The following GTF3C1 variants were observed in gnomAD, a reference collection of about 807,000 sequenced individuals.
The protein encoded by GTF3C1 is general transcription factor IIIC subunit 1.
In GTF3C1, 57 loss-of-function variants were observed where a neutral mutation model predicts 226.7. The observed-to-expected ratio is 0.25, with a 90% CI of 0.20 to 0.31. GTF3C1 has a LOEUF of 0.31. Among genes scored for constraint, GTF3C1 ranks in the 10% least tolerant of loss-of-function variants. The pLI is 1.00. For missense variants in GTF3C1, 2,217 were observed against 2,776.1 expected, an observed-to-expected ratio of 0.80 and a Z score of 4.53; for synonymous variants, 1,090 against 1,084.8, an observed-to-expected ratio of 1.00 and a Z score of -0.09.
chr16:27,483,151 AG>A (rs1481753316), intron 25 of GTF3C1, 26 bp from the exon 26 acceptor site: 2 of 1,607,802 alleles, frequency 1.2e-6, no homozygotes, highest in Non-Finnish European at 1.7e-6. Context: ...ACAAAGCTGA[AG>A]TCTGGGAATT....
intron 19 of GTF3C1, 141 bp from the exon 20 acceptor site, chr16:27,489,884 G>C (rs931941118): frequency 4.1e-6 from 3 of 728,568 alleles, no homozygotes; most frequent in African/African-American, 1.8e-5. Flanking sequence ...TCTGAGATTG[G>C]TAAGACCTCT....
intron 10 of GTF3C1, among the ~76,000 whole-genome samples, chr16:27,504,727 G>A (rs2141399551): frequency 6.6e-6 from 1 of 152,058 alleles, no homozygotes; most frequent in East Asian, 1.9e-4. Context: ...ACCAGCCTGG[G>A]CAACATGATG....
chr16:27,465,644 A>C, intron 32 of GTF3C1, 104 bp from the exon 33 acceptor site: 66 of 896,788 alleles, frequency 7.4e-5, no homozygotes, highest in Non-Finnish European at 9.2e-5. Context: ...GCACCAACTC[A>C]CTGCTTCCCC....
chr16:27,507,211 G>A lies in GTF3C1; in HGVS notation c.1243-55C>T, dbSNP rs191076842. 7 of 1,269,918 alleles carry A rather than the reference G, an allele frequency of 5.5e-6. No individual in the cohort carries two copies. The allele number at this position is 1,269,918 out of a possible 1,614,324, so 78.7% of individuals were successfully genotyped here. A position where few individuals can be genotyped will look rare whatever the true frequency, so the allele number is the denominator to read the frequency against. ...TGCAAAGAGGGCGTCATACCCACAG[G>A]GGTTCAGGTGGTCTGTGGCATCTAT... On this transcript the variant is annotated intron_variant, in intron 8 of 36. Coordinates refer to ENST00000356183, the MANE Select transcript of GTF3C1 (RefSeq NM_001520.4). The surrounding 1 kb of genome is among the most constrained non-coding windows in gnomAD (Gnocchi z 4.9).
chr16:27,517,820 G>C (rs1214485834), intron 6 of GTF3C1, among the ~76,000 whole-genome samples: 1 of 152,168 alleles, frequency 6.6e-6, no homozygotes, highest in Non-Finnish European at 1.5e-5. Context: ...GCCATTTTAA[G>C]AAAAAGAAAA....
chr16:27,519,659 T>C (rs1450031308), intron 6 of GTF3C1, among the ~76,000 whole-genome samples: 2 of 152,022 alleles, frequency 1.3e-5, no homozygotes, highest in East Asian at 1.9e-4. Context: ...GTGCCTCTGT[T>C]TTCTCATCAG....
chr16:27,538,759 C>T (rs1364885596), intron 2 of GTF3C1, among the ~76,000 whole-genome samples: 1 of 152,148 alleles, frequency 6.6e-6, no homozygotes, highest in African/African-American at 2.4e-5. Flanking sequence ...AGACAAGCCT[C>T]AGGGGTGCTG....
rs759822310 is a variant in GTF3C1, at chr16:27,481,083, C to T, written c.4192G>A (p.Ala1398Thr). The T allele has an allele frequency of 3.2e-5, 51 of 1,613,592 alleles. No homozygotes were observed. Among genetic ancestry groups the T allele is most frequent in the Admixed American group, 6.7e-5 (4 of 60,014 alleles). ...ACCATCCCAGAAACGGCTTACCTGGCGAACAGCTCCTGGAGTGTGTCTGGG... is the reference window on the plus strand; with the variant it reads ...ACCATCCCAGAAACGGCTTACCTGGTGAACAGCTCCTGGAGTGTGTCTGGG... Reference protein sequence around the residue: ...EIPDTLQELFARYRVLAIGDE... With the variant: ...EIPDTLQELFTRYRVLAIGDE... The change falls in exon 27 of 37, where the codon GCC (alanine) becomes ACC (threonine). Residue 1398 changes from alanine to threonine, a missense_variant. Coordinates refer to ENST00000356183, the MANE Select transcript of GTF3C1 (RefSeq NM_001520.4).
chr16:27,501,421 A>G, intron 11 of GTF3C1, 77 bp from the exon 12 acceptor site: 1 of 1,308,922 alleles, frequency 7.6e-7, no homozygotes, highest in Middle Eastern at 1.8e-4. Flanking sequence ...CAACACAGAC[A>G]TGCCTCACGG....
intron 27 of GTF3C1, among the ~76,000 whole-genome samples, chr16:27,480,201 C>CAAA (rs35428757): frequency 1.5e-4 from 9 of 60,952 alleles, no homozygotes; most frequent in African/African-American, 2.4e-4. Context: ...GACTCCATCT[C>CAAA]AAAAAAAAAA....
At chr16:27,544,378 C>G (rs2141464920) in intron 2 of GTF3C1, among the ~76,000 whole-genome samples, 1 of 151,248 alleles carries the variant, frequency 6.6e-6, no homozygotes, top group South Asian at 2.1e-4. Context: ...GAGTGAGACT[C>G]TGTCTCAAAA....
intron 16 of GTF3C1, among the ~76,000 whole-genome samples, chr16:27,494,416 A>C (rs1180991642): frequency 6.7e-6 from 1 of 148,266 alleles, no homozygotes; most frequent in Non-Finnish European, 1.5e-5. Flanking sequence ...AAAAAAACAA[A>C]AAAAAAAAAC....
chr16:27,539,004 CTTTTTTT>C (rs899984965), intron 2 of GTF3C1, among the ~76,000 whole-genome samples: 17 of 103,914 alleles, frequency 1.6e-4, no homozygotes, highest in African/African-American at 3.7e-4. Context: ...ACACACTCAT[CTTTTTTT>C]TTTTTTTTTT....
intron 6 of GTF3C1, among the ~76,000 whole-genome samples, chr16:27,515,004 C>A (rs1433941423): frequency 6.6e-6 from 1 of 152,202 alleles, no homozygotes; most frequent in Admixed American, 6.5e-5. Flanking sequence ...TATTTCTTCT[C>A]CTTTTAAGCT....
intron 10 of GTF3C1, among the ~76,000 whole-genome samples, chr16:27,505,122 G>A (rs773343461): frequency 2.6e-5 from 4 of 152,096 alleles, no homozygotes; most frequent in Non-Finnish European, 5.9e-5. Flanking sequence ...TAGGTGAACC[G>A]AATCACATAA....
At chr16:27,491,652 C>G (rs1305030809) in intron 19 of GTF3C1, among the ~76,000 whole-genome samples, 2 of 152,144 alleles carry the variant, frequency 1.3e-5, no homozygotes, top group Non-Finnish European at 2.9e-5. Context: ...AAGCCCAACT[C>G]AGCCAAGTCA....
At position 27,506,633 on chromosome 16, in the gene GTF3C1, C is replaced by T. The variant is rs116080247; in HGVS notation, c.1552+214G>A. On this transcript the variant is annotated intron_variant, in intron 9 of 36. Coordinates refer to ENST00000356183, the MANE Select transcript of GTF3C1 (RefSeq NM_001520.4). ...ATAGTAAAAACAAGCAAACAAAACA[C>T]GTGCCACGAAGAAATGATTTGCAAG... Among the ~76,000 whole-genome samples the T allele has an allele frequency of 7.0e-3, 1,060 of 152,262 alleles. 16 individuals are homozygous for T. The highest frequency in any genetic ancestry group is 0.024 in the African/African-American group (1,005 of 41,550).
At chr16:27,498,419 A>C (rs2088353356) in intron 13 of GTF3C1, among the ~76,000 whole-genome samples, 1 of 152,250 alleles carries the variant, frequency 6.6e-6, no homozygotes, top group South Asian at 2.1e-4. Context: ...ACTCTATCAG[A>C]CAGAATAAAG....
rs74505969 is a variant in GTF3C1, at chr16:27,535,219, C to T, written c.753-1832G>A. Among the ~76,000 whole-genome samples the T allele has an allele frequency of 2.9e-4, 44 of 152,306 alleles. No individual in the cohort carries two copies. The East Asian group carries it at 7.7e-3, about 27-fold the overall frequency. On this transcript the variant is annotated intron_variant, in intron 4 of 36. Coordinates refer to ENST00000356183, the MANE Select transcript of GTF3C1 (RefSeq NM_001520.4). ...CACAGTGTACTACTGTTAATAACTT[C>T]GTAGCCACCTCCTGTTGCTATTGTG...
Sources: allele counts gnomAD v4.1 joint callset (sites outside exome capture counted in the v4.1 genomes callset), GRCh38; gene constraint gnomAD v4.1.1; non-coding constraint Gnocchi (gnomAD v3.1); transcripts MANE v1.5; gene names NCBI Gene and HGNC (gene_info 2026-07-23, HGNC 2026-07-21).